Variants in EXOC4 observed in about 807,000 individuals in gnomAD.
EXOC4 encodes exocyst complex component 4, also known as SEC8-like 1.
In EXOC4, 71 loss-of-function variants were observed where a neutral mutation model predicts 107.2. The ratio of observed to expected loss-of-function variants is 0.66; its 90% CI spans 0.55 to 0.81. The LOEUF (loss-of-function observed/expected upper bound fraction) is 0.81, where lower values mean the gene tolerates loss of function less well. EXOC4 is among the 30% of genes least tolerant of loss of function. The pLI is 0.00. For synonymous variants in EXOC4, 456 were observed against 441.2 expected (o/e 1.03, Z -0.42); for missense variants, 1,108 against 1,189.6 (o/e 0.93, Z 1.01).
At chr7:133,783,850 A>C (rs1796515079) in intron 10 of EXOC4, among the ~76,000 whole-genome samples, 1 of 152,166 alleles carries the variant, frequency 6.6e-6, no homozygotes, top group African/African-American at 2.4e-5. Flanking sequence ...CATACAATTT[A>C]ATTGCACAGG....
chr7:133,411,415 A>G (rs2150745880), intron 7 of EXOC4, among the ~76,000 whole-genome samples: 2 of 152,206 alleles, frequency 1.3e-5, no homozygotes, highest in Middle Eastern at 6.8e-3. Flanking sequence ...GTAGTCTTTA[A>G]TAGTTTGTAA....
intron 4 of EXOC4, among the ~76,000 whole-genome samples, chr7:133,307,158 A>T (rs993880012): frequency 7.9e-5 from 12 of 152,204 alleles, no homozygotes; most frequent in African/African-American, 2.9e-4. Context: ...ATCCTGTTTG[A>T]ACAAAAAACG....
intron 17 of EXOC4, among the ~76,000 whole-genome samples, chr7:134,050,151 T>C (rs1795750403): frequency 6.6e-6 from 1 of 152,180 alleles, no homozygotes; most frequent in African/African-American, 2.4e-5. Flanking sequence ...GTATAAAATA[T>C]ATTTGGAAGG....
intron 13 of EXOC4, among the ~76,000 whole-genome samples, chr7:133,925,398 T>G (rs1563059287): frequency 6.6e-6 from 1 of 152,224 alleles, no homozygotes; most frequent in Non-Finnish European, 1.5e-5. Context: ...TAGCCCATTG[T>G]CTTTGCACCT....
At chr7:133,383,078 G>A (rs891766592) in intron 7 of EXOC4, among the ~76,000 whole-genome samples, 1 of 152,136 alleles carries the variant, frequency 6.6e-6, no homozygotes, top group Non-Finnish European at 1.5e-5. Context: ...TTGAGCAGCG[G>A]CAGTACCTTC....
rs550430564 is a variant in EXOC4, at chr7:133,492,065, C to T, written c.1417+11927C>T. ...TTTGTCCTGCGGGTGATAAGGAGTC[C>T]TCCAAAGGTTTAAAGTAGGAGAGTC... is the stretch of plus-strand genomic sequence containing the variant. On this transcript the variant is annotated intron_variant, in intron 9 of 17. Coordinates refer to ENST00000253861, the MANE Select transcript of EXOC4 (RefSeq NM_021807.4). Among the ~76,000 whole-genome samples, 4 of 152,236 alleles carry T rather than the reference C, an allele frequency of 2.6e-5. No individual in the cohort carries two copies. The South Asian group carries it at 6.2e-4, about 24-fold the overall frequency.
At chr7:133,967,848 C>A (rs1801107251) in intron 14 of EXOC4, among the ~76,000 whole-genome samples, 1 of 152,128 alleles carries the variant, frequency 6.6e-6, no homozygotes, top group African/African-American at 2.4e-5. Context: ...ATTAGGTCCA[C>A]TTGGTCCAGA....
At chr7:134,052,476 T>G (rs1795820604) in intron 17 of EXOC4, among the ~76,000 whole-genome samples, 2 of 151,732 alleles carry the variant, frequency 1.3e-5, no homozygotes, top group Admixed American at 6.6e-5. Context: ...AGGGAAGGAC[T>G]GATTTTTTTT....
the EXOC4 span, among the ~76,000 whole-genome samples, chr7:134,099,358 C>T: frequency 2.4e-4 from 24 of 99,280 alleles, no homozygotes; most frequent in Admixed American, 1.7e-3. Flanking sequence ...TCTGACCTCC[C>T]TCTCTTCTCT....
chr7:133,582,348 A>G (rs1801299384), intron 9 of EXOC4, among the ~76,000 whole-genome samples: 4 of 152,202 alleles, frequency 2.6e-5, no homozygotes, highest in Admixed American at 2.6e-4. Context: ...TCAAAGGTGG[A>G]TATGACCACA....
chr7:133,615,393 A>T (rs1402653868), intron 9 of EXOC4, among the ~76,000 whole-genome samples: 2 of 152,154 alleles, frequency 1.3e-5, no homozygotes, highest in African/African-American at 4.8e-5. Context: ...TAGCTTTATT[A>T]TAACAATACA....
In EXOC4 at chr7:133,564,671, T is replaced by C. The variant is rs76060530; in HGVS notation, c.1418-65374T>C. The stretch of plus-strand genomic sequence containing the variant: ...ATTTTGAAGGTAAGGCCCAGTCAAA[T>C]GCTGAATTTTGATGACCAGTAGGAG... On this transcript the variant is annotated intron_variant, in intron 9 of 17. Coordinates refer to ENST00000253861, the MANE Select transcript of EXOC4 (RefSeq NM_021807.4). 9.1e-4 allele frequency among the ~76,000 whole-genome samples: 138 copies of C among 152,270 alleles called. 2 individuals are homozygous for C. In the East Asian group the frequency reaches 0.026, roughly 28 times the overall value.
At chr7:133,670,396 G>A (rs1398557712) in intron 10 of EXOC4, among the ~76,000 whole-genome samples, 1 of 152,228 alleles carries the variant, frequency 6.6e-6, no homozygotes, top group Non-Finnish European at 1.5e-5. Context: ...TGCCTAGCCA[G>A]TGTATGGTTT....
intron 3 of EXOC4, chr7:133,291,059 C>G (rs905820344): frequency 1.3e-5 from 2 of 151,338 alleles, no homozygotes; most frequent in Non-Finnish European, 2.9e-5. Context: ...ATTCAGAAAT[C>G]TAGGGTTAGG....
chr7:133,525,110 G>T (rs1482800918), intron 9 of EXOC4, among the ~76,000 whole-genome samples: 1 of 152,150 alleles, frequency 6.6e-6, no homozygotes. Flanking sequence ...AAGAGCTATG[G>T]TTCTTGGAGT....
rs746600449 is a variant in EXOC4, at chr7:134,005,101, GCTTCTGT to G, written c.2527+14_2527+20del. The G allele has an allele frequency of 6.2e-7, 1 of 1,607,294 alleles. No individual in the cohort carries two copies. The highest frequency in any genetic ancestry group is 1.1e-5 in the South Asian group (1 of 90,564). ...AGTATATCTTCGAAGGTCAGACCCT[GCTTCTGT>G]CTCTGGGAGTTTGGGAGGAAGAAAG... On this transcript the variant is annotated intron_variant, in intron 16 of 17. Coordinates refer to ENST00000253861, the MANE Select transcript of EXOC4 (RefSeq NM_021807.4).
chr7:134,071,673 T>C, the EXOC4 span, among the ~76,000 whole-genome samples: 508 of 152,328 alleles, frequency 3.3e-3, 4 homozygotes, highest in Non-Finnish European at 6.2e-3. Flanking sequence ...GGCCCTATTA[T>C]CATCCTTGCT....
intron 9 of EXOC4, among the ~76,000 whole-genome samples, chr7:133,503,260 T>A (rs911747779): frequency 2.6e-5 from 4 of 152,150 alleles, no homozygotes; most frequent in Non-Finnish European, 5.9e-5. Context: ...GGCTTTTTGT[T>A]ACAATCTGGG....
At chr7:133,814,984 T>A (rs1585168392) in intron 10 of EXOC4, among the ~76,000 whole-genome samples, 1 of 152,114 alleles carries the variant, frequency 6.6e-6, no homozygotes, top group African/African-American at 2.4e-5. Context: ...TGAGAAGAAA[T>A]TGAAGTACAA....
Sources: allele counts gnomAD v4.1 joint callset (sites outside exome capture counted in the v4.1 genomes callset), GRCh38; gene constraint gnomAD v4.1.1; transcripts MANE v1.5; gene names NCBI Gene and HGNC (gene_info 2026-07-23, HGNC 2026-07-21).